Variants in MACF1 observed in about 807,000 individuals in gnomAD.
The protein encoded by MACF1 is microtubule actin crosslinking factor 1.
Under a neutral mutation model 854.8 loss-of-function variants are expected in MACF1, and 193 were observed. The observed-to-expected ratio is 0.23, with a 90% confidence interval of 0.20 to 0.25. The LOEUF is 0.25. MACF1 is among the 10% of genes least tolerant of loss of function. The pLI is 1.00. For missense variants in MACF1, 7,722 were observed against 8,929.1 expected (o/e 0.86, Z 5.45); for synonymous variants, 3,185 against 3,226.7 (o/e 0.99, Z 0.44).
At chr1:39,218,540 A>G (rs1644606357) in intron 1 of MACF1, among the ~76,000 whole-genome samples, 1 of 152,110 alleles carries the variant, frequency 6.6e-6, no homozygotes, top group South Asian at 2.1e-4. Context: ...CTTTGTATTT[A>G]TGAAATGCTT....
chr1:39,358,603 T>C (rs769423066), intron 45 of MACF1, 94 bp from the exon 46 acceptor site: 8 of 1,133,094 alleles, frequency 7.1e-6, no homozygotes, highest in Non-Finnish European at 1.0e-5. Flanking sequence ...TTACAGTGAG[T>C]TGTCTGTAAC....
Position 39,477,254 on chromosome 1 carries a change from T to A in MACF1, c.21959-2544T>A, listed in dbSNP as rs1644926822. ...TTGTTTTGGTTTTTGAGACAGCGTC[T>A]TAATTTCTCACCCAGGTTAGAGTGC... On this transcript the variant is annotated intron_variant, in intron 97 of 100. Coordinates refer to ENST00000564288, the MANE Select transcript of MACF1 (RefSeq NM_001394062.1). Among the ~76,000 whole-genome samples the A allele has an allele frequency of 2.0e-5, 3 of 151,634 alleles. No homozygotes were observed. In the South Asian group the frequency reaches 6.3e-4, roughly 32 times the overall value.
intron 42 of MACF1, among the ~76,000 whole-genome samples, chr1:39,349,905 G>T (rs1404014458): frequency 1.3e-5 from 2 of 152,182 alleles, no homozygotes; most frequent in Admixed American, 1.3e-4. Flanking sequence ...AAAGTGTTAG[G>T]ATAACAGGCT....
At chr1:39,133,650 A>G (rs984503362) in intron 2 of MACF1, among the ~76,000 whole-genome samples, 2 of 152,164 alleles carry the variant, frequency 1.3e-5, no homozygotes, top group Non-Finnish European at 2.9e-5. Flanking sequence ...ATGTTTTGAT[A>G]TATGTAAACA....
intron 1 of MACF1, among the ~76,000 whole-genome samples, chr1:39,209,550 C>G (rs186579946): frequency 6.6e-6 from 1 of 152,246 alleles, no homozygotes; most frequent in East Asian, 1.9e-4. Flanking sequence ...TTTTCAGCAT[C>G]CCACTAGGAG....
intron 2 of MACF1, among the ~76,000 whole-genome samples, chr1:39,146,962 T>C (rs1317909624): frequency 1.3e-5 from 2 of 152,146 alleles, no homozygotes; most frequent in African/African-American, 4.8e-5. Flanking sequence ...CCCATAAATA[T>C]ATACACCTAC....
intron 2 of MACF1, among the ~76,000 whole-genome samples, chr1:39,178,709 C>T (rs1481808501): frequency 6.6e-6 from 1 of 152,144 alleles, no homozygotes; most frequent in African/African-American, 2.4e-5. Context: ...AAAGTCCTGA[C>T]CCTCAGGAGT....
Position 39,434,638 on chromosome 1 carries a change from G to A in MACF1, c.17784+6G>A. On this transcript the variant is annotated splice_donor_region_variant and intron_variant, in intron 69 of 100. Transcript: ENST00000564288. ...AGCAACAAGAGGAAATGAGGGTAAG[G>A]AGCATGCCAAGTTTCATTTTATTGT... is the stretch of plus-strand genomic sequence containing the variant. 6.2e-7 allele frequency: 1 copy of A among 1,611,380 alleles called. No individual in the cohort carries two copies. The highest frequency in any genetic ancestry group is 8.5e-7 in the Non-Finnish European group (1 of 1,178,494).
chr1:39,397,644 G>A (rs2148587456), intron 58 of MACF1, among the ~76,000 whole-genome samples: 1 of 152,036 alleles, frequency 6.6e-6, no homozygotes, highest in East Asian at 1.9e-4. Context: ...TTAGCCTACA[G>A]TTAGGCAAAA....
At position 39,121,285 on chromosome 1, in the gene MACF1, T is replaced by TA. The variant is rs143989566; in HGVS notation, c.220+36851dup. Among the ~76,000 whole-genome samples, 1,384 of 152,308 alleles carry TA rather than the reference T, an allele frequency of 9.1e-3. 19 individuals carry two copies. Among genetic ancestry groups the TA allele is most frequent in the African/African-American group, 0.031 (1,291 of 41,562 alleles). On this transcript the variant is annotated intron_variant, in intron 2 of 93. Coordinates refer to the MACF1 transcript ENST00000361689. ...TAAGTGGGTTTTAAAAAAGTTTAAA[T>TA]AAAACGATGCTTAATCACAGTTCCT...
At chr1:39,280,242 T>G (rs1557560607) in intron 6 of MACF1, among the ~76,000 whole-genome samples, 1 of 152,188 alleles carries the variant, frequency 6.6e-6, no homozygotes, top group Non-Finnish European at 1.5e-5. Context: ...TCATTTTATT[T>G]TTATTATTTC....
chr1:39,346,843 G>T, intron 40 of MACF1, 134 bp from the exon 41 acceptor site: 1 of 664,812 alleles, frequency 1.5e-6, no homozygotes, highest in Non-Finnish European at 2.6e-6. Flanking sequence ...TTCTAATTTG[G>T]CCCTAGAATC....
At chr1:39,236,329 A>C (rs1644859183) in intron 2 of MACF1, among the ~76,000 whole-genome samples, 1 of 152,154 alleles carries the variant, frequency 6.6e-6, no homozygotes, top group Non-Finnish European at 1.5e-5. Context: ...TTCTTGCTGA[A>C]CTATGTGCCA....
intron 35 of MACF1, 111 bp downstream of exon 35, chr1:39,324,845 G>A: frequency 1.3e-6 from 1 of 755,220 alleles, no homozygotes; most frequent in Non-Finnish European, 2.3e-6. Flanking sequence ...GCAAGAGCCA[G>A]ATTATGGGGA....
In MACF1 at chr1:39,349,517, G is replaced by A; in HGVS notation, c.10855G>A (p.Glu3619Lys). 6.2e-7 allele frequency: 1 copy of A among 1,614,150 alleles called. No homozygotes were observed. The highest frequency in any genetic ancestry group is 8.5e-7 in the Non-Finnish European group (1 of 1,179,986). Residue 3619 changes from glutamate (E) to lysine (K), a missense_variant, in exon 42 of 101, where the codon GAG becomes AAG. Physicochemically the swap from Glu to Lys is moderately conservative, Grantham distance 56 (BLOSUM62 1). Coordinates refer to ENST00000564288, the MANE Select transcript of MACF1 (RefSeq NM_001394062.1). ...KQQNTCHQQL[E>K]DLCSWVGQAE... ...ACAAAATACCTGTCACCAGCAACTG[G>A]AGGATCTTTGCAGTTGGGTAGGACA... is the stretch of plus-strand genomic sequence containing the variant.
intron 2 of MACF1, among the ~76,000 whole-genome samples, chr1:39,095,167 C>T (rs1641905404): frequency 6.6e-6 from 1 of 152,130 alleles, no homozygotes; most frequent in African/African-American, 2.4e-5. Flanking sequence ...CCAGCAAAGC[C>T]TGGCTGTTCA....
intron 4 of MACF1, among the ~76,000 whole-genome samples, chr1:39,252,665 T>A (rs932034455): frequency 1.3e-5 from 2 of 152,216 alleles, no homozygotes; most frequent in African/African-American, 4.8e-5. Flanking sequence ...ATCATTTGTC[T>A]CCCTTCTCAT....
chr1:39,458,610 C>CA (rs1219055098), intron 90 of MACF1, 120 bp downstream of exon 90: 35 of 1,259,270 alleles, frequency 2.8e-5, no homozygotes, highest in Non-Finnish European at 3.3e-5. Context: ...GGTTTTGAAC[C>CA]AAAATCTCTC....
At chr1:39,215,240 C>T (rs1434781737) in intron 1 of MACF1, 1 of 152,622 alleles carries the variant, frequency 6.6e-6, no homozygotes, top group Non-Finnish European at 1.5e-5. Context: ...CTTCTCTGTT[C>T]TGCTGTCTCC....
Sources: gnomAD v4.1 joint callset for allele counts (sites outside exome capture counted in the v4.1 genomes callset) on GRCh38, gnomAD v4.1.1 for gene constraint, MANE v1.5 for transcripts, NCBI Gene and HGNC (gene_info 2026-07-23, HGNC 2026-07-21) for gene names.